Variants in GXYLT1 observed in about 807,000 individuals in gnomAD.
The protein encoded by GXYLT1 is glucoside xylosyltransferase 1.
GXYLT1 carries 29 observed loss-of-function variants against 54.0 expected under a neutral mutation model. The ratio of observed to expected loss-of-function variants is 0.54; its 90% CI spans 0.40 to 0.73. GXYLT1 has a LOEUF of 0.73. Ranked by LOEUF, GXYLT1 falls within the 30% of genes least tolerant of loss-of-function variation. The pLI is 0.00. For synonymous variants in GXYLT1, 176 were observed against 204.1 expected (o/e 0.86, Z 1.17); for missense variants, 490 against 553.4 (o/e 0.89, Z 1.15).
At chr12:42,117,773 TTTG>T (rs202184748) in intron 3 of GXYLT1, among the ~76,000 whole-genome samples, 3 of 152,144 alleles carry the variant, frequency 2.0e-5, no homozygotes, top group Admixed American at 6.6e-5. Context: ...ACAATAATAT[TTTG>T]TTGTTGTTGT....
At chr12:42,110,245 A>C (rs2065445150) in intron 3 of GXYLT1, among the ~76,000 whole-genome samples, 1 of 152,244 alleles carries the variant, frequency 6.6e-6, no homozygotes, top group Non-Finnish European at 1.5e-5. Flanking sequence ...CTGAAAATCT[A>C]TGATGAACAT....
At chr12:42,093,388 A>G (rs750789990) in intron 7 of GXYLT1, among the ~76,000 whole-genome samples, 2 of 152,200 alleles carry the variant, frequency 1.3e-5, no homozygotes, top group Non-Finnish European at 2.9e-5. Flanking sequence ...GGCGTGAGCC[A>G]CTGTGCCCGG....
At chr12:42,111,663 A>C (rs899396820) in intron 3 of GXYLT1, among the ~76,000 whole-genome samples, 1 of 152,236 alleles carries the variant, frequency 6.6e-6, no homozygotes, top group Non-Finnish European at 1.5e-5. Flanking sequence ...GGAGCCCACC[A>C]CAGCTCAAGG....
intron 3 of GXYLT1, among the ~76,000 whole-genome samples, chr12:42,115,566 C>A (rs1346287512): frequency 6.6e-6 from 1 of 152,116 alleles, no homozygotes; most frequent in Non-Finnish European, 1.5e-5. Flanking sequence ...AGGAATCCAA[C>A]TTACAAGGGA....
chr12:42,116,078 C>G (rs371764543), intron 3 of GXYLT1, among the ~76,000 whole-genome samples: 6 of 151,896 alleles, frequency 4.0e-5, no homozygotes, highest in South Asian at 4.2e-4. Context: ...GCTAGCCATA[C>G]GTAGAAAGCT....
intron 7 of GXYLT1, among the ~76,000 whole-genome samples, chr12:42,093,778 C>A (rs1232401045): frequency 6.6e-6 from 1 of 151,848 alleles, no homozygotes; most frequent in Non-Finnish European, 1.5e-5. Context: ...AATTCCTGAG[C>A]TTGCCCACCT....
rs1385854114 is a variant in GXYLT1, at chr12:42,144,411, G to A, written c.221+15C>T. 6.0e-6 allele frequency: 8 copies of A among 1,340,828 alleles called. No individual in the cohort carries two copies. The South Asian group carries it at 7.9e-5, about 13-fold the overall frequency. The allele number at this position is 1,340,828 out of a possible 1,614,324, so 83.1% of individuals were successfully genotyped here. On this transcript the variant is annotated intron_variant, in intron 1 of 7. Transcript: ENST00000398675. ...CCGCGCCCGCCGCGTCCCCCACACC[G>A]GGAACTGCCCGTACCTGTCCGACAC...
At chr12:42,092,180 G>A (rs924108676) in intron 7 of GXYLT1, among the ~76,000 whole-genome samples, 3 of 152,174 alleles carry the variant, frequency 2.0e-5, no homozygotes, top group Non-Finnish European at 4.4e-5. Context: ...ATAGACCAGA[G>A]GATTTCAGTC....
At chr12:42,125,622 A>G (rs1412497328) in intron 2 of GXYLT1, among the ~76,000 whole-genome samples, 1 of 152,184 alleles carries the variant, frequency 6.6e-6, no homozygotes, top group Non-Finnish European at 1.5e-5. Context: ...TGGGTAAGAG[A>G]AATAAAATTA....
chr12:42,115,632 G>T (rs1352978968), intron 3 of GXYLT1, among the ~76,000 whole-genome samples: 5 of 151,860 alleles, frequency 3.3e-5, no homozygotes, highest in African/African-American at 1.2e-4. Flanking sequence ...AATAAAAGAG[G>T]ATACAAACAA....
intron 5 of GXYLT1, 94 bp from the exon 6 acceptor site, chr12:42,098,127 A>G: frequency 1.7e-6 from 2 of 1,185,018 alleles, no homozygotes; most frequent in South Asian, 2.7e-5. Context: ...CAACCATTAC[A>G]AATCCACAAA....
chr12:42,102,781 A>G (rs2065397271), intron 5 of GXYLT1, among the ~76,000 whole-genome samples: 1 of 152,140 alleles, frequency 6.6e-6, no homozygotes, highest in South Asian at 2.1e-4. Flanking sequence ...TCAACACGGC[A>G]AATACGATAC....
rs2065297601 is a variant in GXYLT1, at chr12:42,086,991, G to A, written c.*795C>T. The A allele has an allele frequency of 6.6e-6, 1 of 151,908 alleles. No individual in the cohort carries two copies. 9.4% of individuals were successfully genotyped at this position (151,908 alleles called of 1,614,324 possible). A position where few individuals can be genotyped will look rare whatever the true frequency, so the allele number is the denominator to read the frequency against. On this transcript the variant is annotated 3_prime_UTR_variant, in exon 8 of 8. Transcript: ENST00000398675. ...TTTTGCTTCCAGAATGCCCAGTAAA[G>A]CTGACGTTTTTCATTTAAAGTGATT...
At chr12:42,111,582 C>A (rs824692) in intron 3 of GXYLT1, among the ~76,000 whole-genome samples, 117,323 of 152,190 alleles carry the variant, frequency 0.77, 45,597 homozygotes, top group African/African-American at 0.85. Context: ...AGGCTGGAGG[C>A]GGGGCGCCTG....
In GXYLT1 at chr12:42,144,538, C is replaced by T; in HGVS notation, c.109G>A (p.Gly37Ser). Residue 37 changes from glycine to serine, a missense_variant, in exon 1 of 8, where the codon GGT becomes AGT. Physicochemically the swap from Gly to Ser is moderately conservative, Grantham distance 56. Coordinates refer to ENST00000398675, the MANE Select transcript of GXYLT1 (RefSeq NM_173601.2). The stretch of plus-strand genomic sequence containing the variant: ...ACCGCGGCCTGCGGCTTCCCGCCAC[C>T]GCCGCCCGTTCCTTCTTCCAGGGAC... ...AVSLEEGTGG[G>S]GGKPQAAVAS... 1 of 1,319,580 alleles carries T rather than the reference C, an allele frequency of 7.6e-7. No homozygotes were observed. The highest frequency in any genetic ancestry group is 9.7e-7 in the Non-Finnish European group (1 of 1,031,132). 81.7% of individuals were successfully genotyped at this position (1,319,580 alleles called of 1,614,324 possible). A position where few individuals can be genotyped will look rare whatever the true frequency, so the allele number is the denominator to read the frequency against.
intron 1 of GXYLT1, among the ~76,000 whole-genome samples, chr12:42,137,311 A>G (rs918485814): frequency 5.3e-5 from 8 of 151,952 alleles, no homozygotes; most frequent in Admixed American, 5.2e-4. Flanking sequence ...GATCGAGACC[A>G]TCCTGGCTAA....
chr12:42,092,672 G>C (rs1189510235), intron 7 of GXYLT1, among the ~76,000 whole-genome samples: 2 of 152,038 alleles, frequency 1.3e-5, no homozygotes, highest in Non-Finnish European at 2.9e-5. Flanking sequence ...ATGCTTAAAA[G>C]ACAAAACTTT....
intron 2 of GXYLT1, among the ~76,000 whole-genome samples, chr12:42,121,354 G>A (rs1205256368): frequency 3.9e-5 from 6 of 152,138 alleles, no homozygotes; most frequent in Admixed American, 1.3e-4. Context: ...CCTCAAGGCC[G>A]GGCATGGTGG....
intron 1 of GXYLT1, among the ~76,000 whole-genome samples, chr12:42,143,625 T>G (rs1201647530): frequency 2.0e-5 from 3 of 152,224 alleles, no homozygotes; most frequent in Non-Finnish European, 1.5e-5. Context: ...GAAGTGTCCA[T>G]GTTGCAAGGC....
Sources: allele counts gnomAD v4.1 joint callset (sites outside exome capture counted in the v4.1 genomes callset), GRCh38; gene constraint gnomAD v4.1.1; transcripts MANE v1.5; gene names NCBI Gene and HGNC (gene_info 2026-07-23, HGNC 2026-07-21).